Variants in RAB38 observed in about 807,000 individuals in gnomAD.
RAB38 encodes the protein RAB38, member RAS oncogene family, also known as ras-related protein Rab-38.
Under a neutral mutation model 18.4 loss-of-function variants are expected in RAB38, and 15 were observed. That is an observed-to-expected ratio of 0.82 (90% CI 0.55 to 1.26). The LOEUF (loss-of-function observed/expected upper bound fraction) is 1.26, where lower values mean the gene tolerates loss of function less well. Among genes scored for constraint, RAB38 ranks in the 50% most tolerant of loss-of-function variants. The pLI, the probability that RAB38 is intolerant of heterozygous loss-of-function variation, is 0.00. For synonymous variants in RAB38, 101 were observed against 104.4 expected, an observed-to-expected ratio of 0.97 and a Z score of 0.20; for missense variants, 294 against 267.4, an observed-to-expected ratio of 1.10 and a Z score of -0.69.
the RAB38 span, among the ~76,000 whole-genome samples, chr11:87,959,517 A>G: frequency 6.6e-6 from 1 of 152,072 alleles, no homozygotes; most frequent in Non-Finnish European, 1.5e-5. Context: ...GCATTGTGCT[A>G]TGTGTTTCTA....
At chr11:88,102,815 A>C in the RAB38 span, among the ~76,000 whole-genome samples, 1 of 152,060 alleles carries the variant, frequency 6.6e-6, no homozygotes, top group East Asian at 1.9e-4. Context: ...CACGCATCTC[A>C]GGCAAGTACC....
the RAB38 span, among the ~76,000 whole-genome samples, chr11:87,935,684 T>C: frequency 6.6e-6 from 1 of 152,140 alleles, no homozygotes; most frequent in African/African-American, 2.4e-5. Context: ...GACATGGATA[T>C]AGCCAAGATT....
intron 2 of RAB38, among the ~76,000 whole-genome samples, chr11:88,123,827 T>C (rs1360729109): frequency 6.6e-6 from 1 of 152,230 alleles, no homozygotes; most frequent in Admixed American, 6.5e-5. Context: ...TAATATTATG[T>C]ATTTTTACGA....
At chr11:87,951,191 T>G in the RAB38 span, among the ~76,000 whole-genome samples, 1 of 152,238 alleles carries the variant, frequency 6.6e-6, no homozygotes, top group Non-Finnish European at 1.5e-5. Flanking sequence ...CTCCTGAGGC[T>G]TCTGCATTCG....
the RAB38 span, among the ~76,000 whole-genome samples, chr11:87,840,857 TA>T: frequency 6.6e-6 from 1 of 152,170 alleles, no homozygotes; most frequent in Non-Finnish European, 1.5e-5. Context: ...TACACTTTAT[TA>T]TTTTTTTAAC....
At chr11:88,098,197 A>G in the RAB38 span, 10 of 151,956 alleles carry the variant, frequency 6.6e-5, no homozygotes, top group African/African-American at 2.4e-4. Context: ...ACATATTTCA[A>G]CAATAGAAAG....
chr11:87,924,292 C>T, the RAB38 span, among the ~76,000 whole-genome samples: 58 of 152,110 alleles, frequency 3.8e-4, no homozygotes, highest in African/African-American at 1.3e-3. Flanking sequence ...CCAGGTCACA[C>T]TGACCTTCAC....
the RAB38 span, among the ~76,000 whole-genome samples, chr11:88,007,675 C>T: frequency 6.6e-6 from 1 of 152,004 alleles, no homozygotes; most frequent in East Asian, 1.9e-4. Context: ...TTTTAGGAAA[C>T]TCTTTGGCAG....
the RAB38 span, among the ~76,000 whole-genome samples, chr11:87,955,620 T>G: frequency 2.6e-5 from 4 of 152,112 alleles, no homozygotes; most frequent in African/African-American, 9.7e-5. Context: ...TAAGCCAAAC[T>G]TAAATGAATA....
At chr11:87,856,989 A>G in the RAB38 span, among the ~76,000 whole-genome samples, 1 of 151,978 alleles carries the variant, frequency 6.6e-6, no homozygotes, top group Admixed American at 6.6e-5. Context: ...CATTAGGTAT[A>G]TCTCCTAATG....
At chr11:87,897,163 C>T in the RAB38 span, among the ~76,000 whole-genome samples, 1 of 151,528 alleles carries the variant, frequency 6.6e-6, no homozygotes, top group Non-Finnish European at 1.5e-5. Flanking sequence ...TTAACCCCCC[C>T]CAAACCAATG....
chr11:88,083,967 T>C, the RAB38 span, among the ~76,000 whole-genome samples: 9 of 152,096 alleles, frequency 5.9e-5, no homozygotes, highest in East Asian at 5.8e-4. Flanking sequence ...TTCTCTCTCA[T>C]TTACTGCTAT....
the RAB38 span, among the ~76,000 whole-genome samples, chr11:88,032,010 T>C: frequency 6.6e-6 from 1 of 150,848 alleles, no homozygotes; most frequent in Non-Finnish European, 1.5e-5. Context: ...CAAAACAGCA[T>C]GGTACTGGTA....
At chr11:87,821,790 G>T in the RAB38 span, among the ~76,000 whole-genome samples, 1 of 151,300 alleles carries the variant, frequency 6.6e-6, no homozygotes, top group Middle Eastern at 3.4e-3. Flanking sequence ...GGCAGAGATT[G>T]CAGTGAGCCG....
chr11:87,848,303 T>A, the RAB38 span, among the ~76,000 whole-genome samples: 1 of 151,446 alleles, frequency 6.6e-6, no homozygotes, highest in Non-Finnish European at 1.5e-5. Context: ...CTTTGGACAT[T>A]AAGCATATCC....
At chr11:87,955,753 C>T in the RAB38 span, among the ~76,000 whole-genome samples, 19 of 151,962 alleles carry the variant, frequency 1.3e-4, no homozygotes, top group East Asian at 7.7e-4. Context: ...CCCTGTCATC[C>T]GAAAGTGAAT....
chr11:87,822,366 C>G, the RAB38 span, among the ~76,000 whole-genome samples: 1 of 152,194 alleles, frequency 6.6e-6, no homozygotes, highest in Admixed American at 6.5e-5. Flanking sequence ...AACGTAGTGT[C>G]TAAAAGCAAC....
chr11:88,075,750 G>C, the RAB38 span, among the ~76,000 whole-genome samples: 2 of 152,010 alleles, frequency 1.3e-5, no homozygotes, highest in African/African-American at 4.8e-5. Context: ...GCATGGTGGT[G>C]CATGCCTGTA....
At chr11:87,890,517 A>G in the RAB38 span, among the ~76,000 whole-genome samples, 5 of 151,966 alleles carry the variant, frequency 3.3e-5, no homozygotes, top group East Asian at 5.9e-4. Context: ...ATGGACTTCT[A>G]TGGATTTCTT....
Sources: gnomAD v4.1 joint callset for allele counts (sites outside exome capture counted in the v4.1 genomes callset) on GRCh38, gnomAD v4.1.1 for gene constraint, MANE v1.5 for transcripts, NCBI Gene and HGNC (gene_info 2026-07-23, HGNC 2026-07-21) for gene names.